Variants in PKN2 observed in about 807,000 individuals in gnomAD.
The protein encoded by PKN2 is serine/threonine-protein kinase N2.
A neutral mutation model predicts 119.1 loss-of-function variants in PKN2; 38 were observed. The ratio of observed to expected loss-of-function variants is 0.32; its 90% CI spans 0.25 to 0.42. The LOEUF is 0.42. Among genes scored for constraint, PKN2 ranks in the 10% least tolerant of loss-of-function variants. The probability of loss-of-function intolerance (pLI) is 1.00; values close to 1 mark genes in which losing one functional copy is unlikely to be tolerated. For missense variants in PKN2, 850 were observed against 1,165.1 expected (o/e 0.73, Z 3.94); for synonymous variants, 390 against 384.9 (o/e 1.01, Z -0.15).
chr1:88,747,612 T>G (rs72724721), intron 2 of PKN2, among the ~76,000 whole-genome samples: 3,826 of 152,218 alleles, frequency 0.025, 65 homozygotes, highest in African/African-American at 0.03. Flanking sequence ...ATAAGAACAT[T>G]TTTTAATATT....
chr1:88,720,267 T>C (rs1035321348), intron 1 of PKN2, among the ~76,000 whole-genome samples: 6 of 152,114 alleles, frequency 3.9e-5, no homozygotes, highest in Non-Finnish European at 8.8e-5. Context: ...GCAATCCTCC[T>C]GCCTTGCCTC....
intron 3 of PKN2, among the ~76,000 whole-genome samples, chr1:88,769,466 C>T (rs74417496): frequency 0.019 from 2,914 of 152,138 alleles, 90 homozygotes; most frequent in African/African-American, 0.066. Context: ...AAGGAAAATT[C>T]TTTATGTTTT....
rs1672930608 is a variant in PKN2 at position 88,836,030 on chromosome 1, A to T, written c.*2582A>T. ...ATTCTGCTCCTGTAAGGTCAGTAGC[A>T]TCTTTTATTTGAAGCATATTTATGG... On this transcript the variant is annotated 3_prime_UTR_variant, in exon 22 of 22. Transcript: ENST00000370521. The T allele has an allele frequency of 6.6e-6, 1 of 152,126 alleles. No homozygotes were observed. The highest frequency in any genetic ancestry group is 1.5e-5 in the Non-Finnish European group (1 of 67,974). The allele number at this position is 152,126 out of a possible 1,614,324, so 9.4% of individuals were successfully genotyped here.
At position 88,834,721 on chromosome 1, in the gene PKN2, C is replaced by T. The variant is rs1672874884; in HGVS notation, c.*1273C>T. 2.0e-5 allele frequency: 3 copies of T among 152,224 alleles called. No individual in the cohort carries two copies. The South Asian group carries it at 6.2e-4, about 32-fold the overall frequency. 9.4% of individuals were successfully genotyped at this position (152,224 alleles called of 1,614,324 possible). A position where few individuals can be genotyped will look rare whatever the true frequency, so the allele number is the denominator to read the frequency against. Reference sequence around the variant, plus strand: ...TAATTTGATGAAATATTTTATACAACTCTTCAAAGGATCCGTCTGTGGCTT... The same window carrying T: ...TAATTTGATGAAATATTTTATACAATTCTTCAAAGGATCCGTCTGTGGCTT... On this transcript the variant is annotated 3_prime_UTR_variant, in exon 22 of 22. Coordinates refer to ENST00000370521, the MANE Select transcript of PKN2 (RefSeq NM_006256.4).
At chr1:88,758,966 G>GTCT (rs1669332051) in intron 2 of PKN2, among the ~76,000 whole-genome samples, 1 of 152,158 alleles carries the variant, frequency 6.6e-6, no homozygotes, top group African/African-American at 2.4e-5. Context: ...TCTCCACACT[G>GTCT]TCTTCCACAA....
At chr1:88,691,845 CAT>C (rs141123344) in intron 1 of PKN2, among the ~76,000 whole-genome samples, 5,773 of 152,256 alleles carry the variant, frequency 0.038, 138 homozygotes, top group Middle Eastern at 0.061. Flanking sequence ...AAACCACACT[CAT>C]AACTGTAATT....
At chr1:88,701,025 C>A (rs901855628) in intron 1 of PKN2, among the ~76,000 whole-genome samples, 1 of 152,262 alleles carries the variant, frequency 6.6e-6, no homozygotes, top group East Asian at 1.9e-4. Flanking sequence ...ACATCTCAGA[C>A]TGAGATTTTT....
chr1:88,769,844 C>T (rs1323859908), intron 3 of PKN2, among the ~76,000 whole-genome samples: 3 of 152,124 alleles, frequency 2.0e-5, no homozygotes, highest in African/African-American at 7.2e-5. Flanking sequence ...TCAAAAGGTA[C>T]ATACTTAGAG....
At chr1:88,806,313 GCA>G in intron 12 of PKN2, 2 of 325,564 alleles carry the variant, frequency 6.1e-6, no homozygotes, top group Non-Finnish European at 1.2e-5. Context: ...GGGGTTACAG[GCA>G]CATGCCACCA....
chr1:88,807,900 A>G (rs1243845278), intron 15 of PKN2, 125 bp downstream of exon 15: 4 of 602,008 alleles, frequency 6.6e-6, no homozygotes, highest in Non-Finnish European at 8.6e-6. Context: ...AATATAATGT[A>G]TCTATATTTG....
rs377021218 is a variant in PKN2, at chr1:88,776,286, A to G, written c.985+4407A>G. ...CGTCACTTCTCCCATCCTTCATTTC[A>G]ATCTAAAAGGCTTCTTTAGCATTTC... On this transcript the variant is annotated intron_variant, in intron 6 of 21. Transcript: ENST00000370521. Among the ~76,000 whole-genome samples, 17 of 133,564 alleles carry G rather than the reference A, an allele frequency of 1.3e-4. No individual in the cohort carries two copies. The East Asian group carries it at 2.7e-3, about 21-fold the overall frequency. The allele number at this position is 133,564 out of a possible 152,430, so 87.6% of individuals were successfully genotyped here.
At chr1:88,759,991 T>C (rs958525364) in intron 2 of PKN2, among the ~76,000 whole-genome samples, 1 of 151,964 alleles carries the variant, frequency 6.6e-6, no homozygotes, top group African/African-American at 2.4e-5. Flanking sequence ...ATATAATCAC[T>C]TTTATATTTT....
At position 88,821,966 on chromosome 1, in the gene PKN2, G is replaced by A; in HGVS notation, c.2305G>A (p.Gly769Arg). 6.3e-7 allele frequency: 1 copy of A among 1,577,998 alleles called. No homozygotes were observed. The highest frequency in any genetic ancestry group is 8.6e-7 in the Non-Finnish European group (1 of 1,166,514). ...ATTTTATGCTGCTTGTGTAGTTCTT[G>A]GGTTGCAGTATTTACATGAACACAA... ...AVFYAACVVL[G>R]LQYLHEHKIV... is the part of the protein sequence containing the mutation. The change falls in exon 17 of 22, where the codon GGG becomes AGG. Residue 769 changes from glycine to arginine, a missense_variant. Physicochemically the swap from Gly to Arg is moderately radical, Grantham distance 125. This residue lies in a region of PKN2 where 55 missense variants were observed against 85.9 expected (regional missense o/e 0.64). Coordinates refer to ENST00000370521, the MANE Select transcript of PKN2 (RefSeq NM_006256.4).
At chr1:88,724,922 A>C (rs999324084) in intron 1 of PKN2, among the ~76,000 whole-genome samples, 2 of 114,218 alleles carry the variant, frequency 1.8e-5, no homozygotes, top group Admixed American at 2.0e-4. Context: ...TCTTTGAGAC[A>C]GTCTTGCTCT....
chr1:88,781,100 G>T, intron 6 of PKN2: 1 of 1,229,810 alleles, frequency 8.1e-7, no homozygotes, highest in Non-Finnish European at 1.0e-6. Context: ...TAACTAGGGA[G>T]AGAAATACTA....
In PKN2 at chr1:88,696,189, C is replaced by T. The variant is rs79122902; in HGVS notation, c.48+11561C>T. On this transcript the variant is annotated intron_variant, in intron 1 of 21. Transcript: ENST00000370521. ...CCTTAAATGTTCCACCTATTTGTAG[C>T]CTATTTTCCCATTAATTTATCCTTC... 3.6e-3 allele frequency among the ~76,000 whole-genome samples: 550 copies of T among 152,296 alleles called. 4 individuals are homozygous for T. The highest frequency in any genetic ancestry group is 0.013 in the African/African-American group (534 of 41,572).
At chr1:88,696,038 C>T (rs1666530286) in intron 1 of PKN2, among the ~76,000 whole-genome samples, 1 of 152,170 alleles carries the variant, frequency 6.6e-6, no homozygotes, top group South Asian at 2.1e-4. Flanking sequence ...GCAATTGATA[C>T]TGCTCCAGCT....
chr1:88,832,671 T>C (rs1272103978), intron 19 of PKN2, 73 bp from the exon 20 acceptor site: 1 of 748,304 alleles, frequency 1.3e-6, no homozygotes, highest in Non-Finnish European at 2.3e-6. Context: ...GGATCTTGGT[T>C]GTACTTTGAA....
chr1:88,689,221 G>T (rs1195612027), intron 1 of PKN2, among the ~76,000 whole-genome samples: 1 of 152,160 alleles, frequency 6.6e-6, no homozygotes, highest in Non-Finnish European at 1.5e-5. Flanking sequence ...TCCAGAAAAT[G>T]TGGAAAAGCA....
Sources: gnomAD v4.1 joint callset for allele counts (sites outside exome capture counted in the v4.1 genomes callset) on GRCh38, gnomAD v4.1.1 for gene constraint, gnomAD v4.1.1 regional missense constraint, MANE v1.5 for transcripts, NCBI Gene and HGNC (gene_info 2026-07-23, HGNC 2026-07-21) for gene names.